Variants in ATRNL1 observed in about 807,000 individuals in gnomAD.
The protein encoded by ATRNL1 is attractin-like protein 1.
Under a neutral mutation model 182.7 loss-of-function variants are expected in ATRNL1, and 95 were observed. The observed-to-expected ratio is 0.52, with a 90% CI of 0.44 to 0.62. The LOEUF is 0.62. Among genes scored for constraint, ATRNL1 ranks in the 20% least tolerant of loss-of-function variants. The pLI is 0.00. For synonymous variants in ATRNL1, 576 were observed against 568.3 expected (o/e 1.01, Z -0.19); for missense variants, 1,471 against 1,679.5 (o/e 0.88, Z 2.17).
intron 10 of ATRNL1, among the ~76,000 whole-genome samples, chr10:115,251,045 A>G (rs1193611378): frequency 4.6e-5 from 7 of 152,196 alleles, no homozygotes; most frequent in Non-Finnish European, 8.8e-5. Context: ...TTAGCAAAGA[A>G]CACATTTGCC....
Position 115,947,618 on chromosome 10 carries a change from G to A in ATRNL1, c.*2839G>A, listed in dbSNP as rs1191949602. 3 of 152,646 alleles carry A rather than the reference G, an allele frequency of 2.0e-5. No homozygotes were observed. Among genetic ancestry groups the A allele is most frequent in the African/African-American group, 7.2e-5 (3 of 41,470 alleles). The allele number at this position is 152,646 out of a possible 1,614,324, so 9.5% of individuals were successfully genotyped here. On this transcript the variant is annotated 3_prime_UTR_variant, in exon 29 of 29. Transcript: ENST00000355044. ...ATACACAGAGATGCCGTATACTATA[G>A]TGTTATGTTCAGTAGGAAAACTTCA...
chr10:115,841,951 A>G (rs1950819030), intron 27 of ATRNL1, among the ~76,000 whole-genome samples: 1 of 152,112 alleles, frequency 6.6e-6, no homozygotes, highest in Admixed American at 6.6e-5. Flanking sequence ...ACTAAAAACT[A>G]AATTTCATAT....
At chr10:115,481,779 C>G (rs1362611329) in intron 24 of ATRNL1, among the ~76,000 whole-genome samples, 7 of 150,746 alleles carry the variant, frequency 4.6e-5, no homozygotes, top group African/African-American at 1.7e-4. Context: ...TAGCTCTAGA[C>G]ACGCTTCCAT....
chr10:115,886,975 T>G (rs1555109957), intron 28 of ATRNL1, among the ~76,000 whole-genome samples: 4 of 152,246 alleles, frequency 2.6e-5, no homozygotes, highest in African/African-American at 9.6e-5. Flanking sequence ...CCCTTCATTT[T>G]TAATACTTTC....
chr10:115,847,319 T>G (rs1451234237), intron 27 of ATRNL1, among the ~76,000 whole-genome samples: 2 of 152,204 alleles, frequency 1.3e-5, no homozygotes, highest in Admixed American at 1.3e-4. Context: ...TAGTTAATAC[T>G]GTTGTATTGT....
chr10:115,671,782 T>G (rs1292991542), intron 26 of ATRNL1, among the ~76,000 whole-genome samples: 14 of 152,124 alleles, frequency 9.2e-5, no homozygotes, highest in Admixed American at 6.6e-4. Context: ...TTGTAAGTAA[T>G]GTACCCTTCT....
intron 21 of ATRNL1, among the ~76,000 whole-genome samples, chr10:115,457,447 G>C (rs907555268): frequency 3.3e-5 from 5 of 152,060 alleles, no homozygotes; most frequent in Admixed American, 2.6e-4. Flanking sequence ...GCTTTAGGCT[G>C]TCTTTGGCTT....
At chr10:115,871,131 T>TA (rs1951569586) in intron 28 of ATRNL1, among the ~76,000 whole-genome samples, 1 of 152,246 alleles carries the variant, frequency 6.6e-6, no homozygotes, top group Admixed American at 6.5e-5. Context: ...TTCTTTTTTT[T>TA]ATCATGATTG....
chr10:115,093,702 C>G lies in ATRNL1; in HGVS notation c.-49C>G. 1 of 1,420,528 alleles carries G rather than the reference C, an allele frequency of 7.0e-7. No individual in the cohort carries two copies. Among genetic ancestry groups the G allele is most frequent in the African/African-American group, 1.5e-5 (1 of 66,410 alleles). The allele number at this position is 1,420,528 out of a possible 1,614,324, so 88.0% of individuals were successfully genotyped here. On this transcript the variant is annotated 5_prime_UTR_variant, in exon 1 of 29. Transcript: ENST00000355044. This position sits in a 1 kb window ranked among gnomAD's most constrained non-coding sequence, Gnocchi z 6.1. Reference sequence around the variant, plus strand: ...GCCGGAATTCCCTTCAACAGCATCCCTGTCGGCGCCCGCGAGCGCAGTCTC... The same window carrying G: ...GCCGGAATTCCCTTCAACAGCATCCGTGTCGGCGCCCGCGAGCGCAGTCTC...
Position 115,141,030 on chromosome 10 carries a change from T to C in ATRNL1, c.829+11495T>C, listed in dbSNP as rs186058934. Among the ~76,000 whole-genome samples the C allele has an allele frequency of 5.4e-3, 818 of 152,264 alleles. 2 individuals carry two copies. Among genetic ancestry groups the C allele is most frequent in the Non-Finnish European group, 8.1e-3 (553 of 67,970 alleles). ...CATAAGACCCTATCTTTTAAATTTA[T>C]ATCATTTATCCCTGTTTATAATTAT... is the stretch of plus-strand genomic sequence containing the variant. On this transcript the variant is annotated intron_variant, in intron 5 of 28. Transcript: ENST00000355044.
At chr10:115,550,776 A>G (rs1005752882) in intron 26 of ATRNL1, among the ~76,000 whole-genome samples, 36 of 151,824 alleles carry the variant, frequency 2.4e-4, no homozygotes, top group African/African-American at 8.7e-4. Flanking sequence ...TTATAGATTC[A>G]GGAAGGAAAA....
At position 115,256,829 on chromosome 10, in the gene ATRNL1, A is replaced by G. The variant is rs910372827; in HGVS notation, c.1688-8364A>G. On this transcript the variant is annotated intron_variant, in intron 10 of 28. Transcript: ENST00000355044. ...TTGAATGTGTCCCAGAGATTCTGGT[A>G]TATTGTGTCTTTGTTCTTATTGGTT... is the stretch of plus-strand genomic sequence containing the variant. Among the ~76,000 whole-genome samples the G allele has an allele frequency of 2.6e-5, 4 of 152,204 alleles. No homozygotes were observed. In the East Asian group the frequency reaches 5.8e-4, roughly 22 times the overall value.
At chr10:115,804,155 C>A (rs1949864170) in intron 27 of ATRNL1, among the ~76,000 whole-genome samples, 1 of 152,098 alleles carries the variant, frequency 6.6e-6, no homozygotes, top group Non-Finnish European at 1.5e-5. Flanking sequence ...TAAAAAGTAT[C>A]CAGAACTTAG....
At chr10:115,726,919 A>G (rs1947615784) in intron 26 of ATRNL1, among the ~76,000 whole-genome samples, 1 of 151,674 alleles carries the variant, frequency 6.6e-6, no homozygotes, top group South Asian at 2.1e-4. Flanking sequence ...AAAATTTGGC[A>G]TAGCCATCAC....
At chr10:115,581,697 C>A (rs994098355) in intron 26 of ATRNL1, among the ~76,000 whole-genome samples, 20 of 151,926 alleles carry the variant, frequency 1.3e-4, no homozygotes, top group Non-Finnish European at 2.5e-4. Flanking sequence ...AACAGGTCTT[C>A]CATTCTTACA....
At chr10:115,939,952 T>A (rs954647883) in intron 28 of ATRNL1, among the ~76,000 whole-genome samples, 3 of 152,212 alleles carry the variant, frequency 2.0e-5, no homozygotes, top group African/African-American at 7.2e-5. Flanking sequence ...ATACCTTTTT[T>A]AAAACCCAGA....
chr10:115,927,441 C>A (rs568551712), intron 28 of ATRNL1, among the ~76,000 whole-genome samples: 12 of 152,070 alleles, frequency 7.9e-5, no homozygotes, highest in African/African-American at 2.9e-4. Context: ...TTTGAATTTT[C>A]TTCATAATAC....
At chr10:115,494,747 T>C (rs1554977686) in intron 24 of ATRNL1, among the ~76,000 whole-genome samples, 1 of 152,118 alleles carries the variant, frequency 6.6e-6, no homozygotes, top group African/African-American at 2.4e-5. Flanking sequence ...TTTGCTAGTA[T>C]TTTTTTGAGA....
At chr10:115,522,835 G>C (rs1218042306) in intron 25 of ATRNL1, among the ~76,000 whole-genome samples, 1 of 152,186 alleles carries the variant, frequency 6.6e-6, no homozygotes, top group Admixed American at 6.5e-5. Context: ...TCAAAATATA[G>C]TGATAACATG....
Sources: gnomAD v4.1 joint callset for allele counts (sites outside exome capture counted in the v4.1 genomes callset) on GRCh38, gnomAD v4.1.1 for gene constraint, Gnocchi (gnomAD v3.1) non-coding constraint, MANE v1.5 for transcripts, NCBI Gene and HGNC (gene_info 2026-07-23, HGNC 2026-07-21) for gene names.